Variants in SRCAP observed in about 807,000 individuals in gnomAD.
The protein encoded by SRCAP is chromatin remodeling protein SRCAP.
In SRCAP, 46 loss-of-function variants were observed where a neutral mutation model predicts 263.1. The observed-to-expected ratio is 0.17, with a 90% CI of 0.14 to 0.22. The LOEUF (loss-of-function observed/expected upper bound fraction) is 0.22, where lower values mean the gene tolerates loss of function less well. Among genes scored for constraint, SRCAP ranks in the 10% least tolerant of loss-of-function variants. The pLI is 1.00. For missense variants in SRCAP, 3,695 were observed against 4,181.9 expected (o/e 0.88, Z 3.21); for synonymous variants, 1,813 against 1,662.1 (o/e 1.09, Z -2.21).
chr16:30,729,356 T>G lies in SRCAP; in HGVS notation c.5925-14T>G, dbSNP rs1043665042. 8 of 1,613,786 alleles carry G rather than the reference T, an allele frequency of 5.0e-6. No homozygotes were observed. Among genetic ancestry groups the G allele is most frequent in the African/African-American group, 1.3e-5 (1 of 74,896 alleles). ...AGTCCCATCTTTTACACTGCCTGCTTCTTCCTTTCACAGGTTCATCTTTGT... is the reference window on the plus strand; with the variant it reads ...AGTCCCATCTTTTACACTGCCTGCTGCTTCCTTTCACAGGTTCATCTTTGT... On this transcript the variant is annotated splice_polypyrimidine_tract_variant and intron_variant, in intron 26 of 33. Transcript: ENST00000262518.
At position 30,729,191 on chromosome 16, in the gene SRCAP, C is replaced by G. The variant is rs749811564; in HGVS notation, c.5884C>G (p.Pro1962Ala). ...TEAAHRAVLF[P>A]QQRLDQLSEI... ...GGCTGCCCACCGGGCTGTACTGTTTCCCCAGCAGCGACTAGACCAGCTGTC... is the reference window on the plus strand; with the variant it reads ...GGCTGCCCACCGGGCTGTACTGTTTGCCCAGCAGCGACTAGACCAGCTGTC... Residue 1962 changes from proline to alanine, a missense_variant, in exon 26 of 34, where the codon CCC becomes GCC. Pro to Ala is a conservative substitution (Grantham distance 27). Transcript: ENST00000262518. The G allele has an allele frequency of 1.9e-6, 3 of 1,612,184 alleles. No homozygotes were observed. The highest frequency in any genetic ancestry group is 1.7e-6 in the Non-Finnish European group (2 of 1,178,666).
At position 30,738,342 on chromosome 16, in the gene SRCAP, C is replaced by T. The variant is rs1220287151; in HGVS notation, c.8302C>T (p.Arg2768Trp). 7.0e-6 allele frequency: 11 copies of T among 1,571,406 alleles called. No individual in the cohort carries two copies. Among genetic ancestry groups the T allele is most frequent in the East Asian group, 6.7e-5 (3 of 44,550 alleles). Residue 2768 changes from arginine (R) to tryptophan (W), a missense_variant, in exon 34 of 34, where the codon CGG (arginine) becomes TGG (tryptophan). Around this residue, in one of 12 missense-constraint regions of SRCAP, gnomAD observed 1,207 missense variants for 1,142.9 expected, o/e 1.06. Transcript: ENST00000262518. The part of the protein sequence containing the change: ...VEEKELVRRR[R>W]QQRGAASTLV... ...GGAAAAGGAACTGGTGCGGCGGCGG[C>T]GGCAGCAGCGGGGAGCTGCCAGCAC...
At chr16:30,708,499 T>G (rs1235198523) in intron 6 of SRCAP, among the ~76,000 whole-genome samples, 1 of 152,152 alleles carries the variant, frequency 6.6e-6, no homozygotes. Context: ...GCTCAAGTGA[T>G]TCTCCTGCCT....
chr16:30,707,375 C>G lies in SRCAP; in HGVS notation c.492+7C>G. ...ACGGGGTGTGGCCCGGAAGGTAGGT[C>G]TTCCGCTGGGACTTCCTTCCTTTTC... On this transcript the variant is annotated splice_region_variant and intron_variant, in intron 5 of 33. Coordinates refer to ENST00000262518, the MANE Select transcript of SRCAP (RefSeq NM_006662.3). 1 of 1,612,926 alleles carries G rather than the reference C, an allele frequency of 6.2e-7. No homozygotes were observed. The highest frequency in any genetic ancestry group is 2.2e-5 in the East Asian group (1 of 44,878).
Position 30,713,159 on chromosome 16 carries a change from C to T in SRCAP, c.2131-49C>T, listed in dbSNP as rs746815559. 5.1e-6 allele frequency: 8 copies of T among 1,581,196 alleles called. No homozygotes were observed. The African/African-American group carries it at 9.4e-5, about 19-fold the overall frequency. ...GAGTTTAGCATGTCTTCCCTTTGCTCTCTTCTTTTCATCCCACTATCTGCT... is the reference window on the plus strand; with the variant it reads ...GAGTTTAGCATGTCTTCCCTTTGCTTTCTTCTTTTCATCCCACTATCTGCT... On this transcript the variant is annotated intron_variant, in intron 14 of 33. Coordinates refer to ENST00000262518, the MANE Select transcript of SRCAP (RefSeq NM_006662.3).
In SRCAP at chr16:30,724,475, C is replaced by T; in HGVS notation, c.5051C>T (p.Ala1684Val). The change falls in exon 25 of 34, where the codon GCC becomes GTC. Residue 1684 changes from alanine (A) to valine (V), a missense_variant. Around this residue, in one of 12 missense-constraint regions of SRCAP, gnomAD observed 1,347 missense variants for 1,304.4 expected, o/e 1.03. Coordinates refer to ENST00000262518, the MANE Select transcript of SRCAP (RefSeq NM_006662.3). Reference protein sequence around the residue: ...SPASTQTLALAPALAPTLGGS... With the variant: ...SPASTQTLALVPALAPTLGGS... ...GCTTCTACGCAGACACTGGCCCTAG[C>T]CCCAGCTTTAGCACCCACTCTTGGA... The T allele has an allele frequency of 6.2e-7, 1 of 1,614,220 alleles. No individual in the cohort carries two copies. Among genetic ancestry groups the T allele is most frequent in the Non-Finnish European group, 8.5e-7 (1 of 1,180,034 alleles).
rs894624528 is a variant in SRCAP at position 30,700,650 on chromosome 16, G to A, written c.-175G>A. On this transcript the variant is annotated 5_prime_UTR_variant, in exon 3 of 34. Transcript: ENST00000262518. ...AGGCTGGTGGACCTGAGCGGAGGCT[G>A]GGACGCCCTGGTGGGCCCCGGGCCC... 1.6e-5 allele frequency: 8 copies of A among 507,516 alleles called. No homozygotes were observed. The highest frequency in any genetic ancestry group is 5.8e-5 in the African/African-American group (3 of 51,678). 31.4% of individuals were successfully genotyped at this position (507,516 alleles called of 1,614,324 possible).
chr16:30,734,648 G>A, intron 31 of SRCAP, 33 bp downstream of exon 31: 1 of 1,613,740 alleles, frequency 6.2e-7, no homozygotes, highest in Non-Finnish European at 8.5e-7. Flanking sequence ...GTAAAGTTGA[G>A]CTGATTCTTA....
chr16:30,731,082 G>T (rs1014750372), intron 27 of SRCAP, among the ~76,000 whole-genome samples: 1 of 152,054 alleles, frequency 6.6e-6, no homozygotes, highest in African/African-American at 2.4e-5. Flanking sequence ...TAACTCCAGG[G>T]TATACACCAA....
rs779978975 is a variant in SRCAP at position 30,709,670 on chromosome 16, C to G, written c.791C>G (p.Pro264Arg). 3 of 1,614,096 alleles carry G rather than the reference C, an allele frequency of 1.9e-6. No homozygotes were observed. In the East Asian group the frequency reaches 6.7e-5, roughly 36 times the overall value. The change falls in exon 7 of 34, where the codon CCT (proline) becomes CGT (arginine). Residue 264 changes from proline to arginine, a missense_variant. Transcript: ENST00000262518. ...ACCTCCAGCAAAGCAGGCTCTTCCC[C>G]TTGCCTCGGCTCTTCCTCAGCTGCC... ...PLTSSKAGSS[P>R]CLGSSSAASS...
In SRCAP at chr16:30,711,595, T is replaced by C; in HGVS notation, c.1343T>C (p.Leu448Ser). Reference sequence around the variant, plus strand: ...GGTGAGCTTTCCATGGAGGAGCTATTGCAGCAGTATGCAGGAGCCTATGCC... The same window carrying C: ...GGTGAGCTTTCCATGGAGGAGCTATCGCAGCAGTATGCAGGAGCCTATGCC... ...REGELSMEEL[L>S]QQYAGAYAPG... The change falls in exon 11 of 34, where the codon TTG (leucine) becomes TCG (serine). Residue 448 changes from leucine (L) to serine (S), a missense_variant. Physicochemically the swap from Leu to Ser is moderately radical, Grantham distance 145. This residue lies in a region of SRCAP where 288 missense variants were observed against 302.4 expected (regional missense o/e 0.95). Coordinates refer to ENST00000262518, the MANE Select transcript of SRCAP (RefSeq NM_006662.3). The C allele has an allele frequency of 6.3e-7, 1 of 1,598,514 alleles. No homozygotes were observed. Among genetic ancestry groups the C allele is most frequent in the Non-Finnish European group, 8.5e-7 (1 of 1,175,034 alleles).
At chr16:30,727,014 A>G (rs1211624404) in intron 25 of SRCAP, among the ~76,000 whole-genome samples, 1 of 151,792 alleles carries the variant, frequency 6.6e-6, no homozygotes, top group African/African-American at 2.4e-5. Context: ...ATTTTTTTGT[A>G]TTTTTAGTAG....
chr16:30,711,528 C>T, intron 10 of SRCAP, 43 bp from the exon 11 acceptor site: 1 of 1,538,970 alleles, frequency 6.5e-7, no homozygotes, highest in African/African-American at 1.4e-5. Context: ...CTCCCCTTCT[C>T]CCTCCCCTCA....
chr16:30,736,792 C>T (rs1048656910), intron 33 of SRCAP, among the ~76,000 whole-genome samples, 168 bp downstream of exon 33: 1 of 152,164 alleles, frequency 6.6e-6, no homozygotes, highest in South Asian at 2.1e-4. Flanking sequence ...CCTGCATCAG[C>T]CTCCCGAGAA....
intron 8 of SRCAP, 44 bp downstream of exon 8, chr16:30,710,172 A>G: frequency 6.3e-7 from 1 of 1,585,916 alleles, no homozygotes; most frequent in South Asian, 1.1e-5. Context: ...GGGGGAACAG[A>G]GGGAGAGGTT....
chr16:30,715,589 G>A (rs1307663263), intron 16 of SRCAP, among the ~76,000 whole-genome samples: 3 of 151,448 alleles, frequency 2.0e-5, no homozygotes, highest in Non-Finnish European at 1.5e-5. Flanking sequence ...AAGAAAACAG[G>A]AAGTCTTCCT....
At chr16:30,732,851 G>A (rs1296053658) in intron 27 of SRCAP, among the ~76,000 whole-genome samples, 1 of 152,140 alleles carries the variant, frequency 6.6e-6, no homozygotes, top group African/African-American at 2.4e-5. Flanking sequence ...GATATTTTTT[G>A]TGACAGGGTC....
Position 30,709,572 on chromosome 16 carries a change from G to T in SRCAP, c.693G>T (p.Leu231=), listed in dbSNP as rs1382578606. 1 of 1,614,192 alleles carries T rather than the reference G, an allele frequency of 6.2e-7. No homozygotes were observed. Among genetic ancestry groups the T allele is most frequent in the South Asian group, 1.1e-5 (1 of 91,092 alleles). ...AAAAGCGCAAAAAAGCCCTGGACCT[G>T]CATTTGGACTTCATTGTGGGGCAAA... ...LEEKRKKALD[L]HLDFIVGQTE... The change falls in exon 7 of 34, where the codon CTG becomes CTT. Residue 231 remains leucine, a synonymous_variant. Transcript: ENST00000262518.
rs766738104 is a variant in SRCAP, at chr16:30,739,242, C to T, written c.9202C>T (p.Arg3068Cys). ...AAGCCGCCCCCTCACCCGCCTGGCC[C>T]GCCTTCGGCTTGAAGCAGAAGGAAT... ...DGSRPLTRLARLRLEAEGMRG... is the reference protein window; with the variant it reads ...DGSRPLTRLACLRLEAEGMRG... Residue 3068 changes from arginine (R) to cysteine (C), a missense_variant, in exon 34 of 34, where the codon CGC (arginine) becomes TGC (cysteine). Physicochemically the swap from Arg to Cys is radical, Grantham distance 180. Around this residue, in one of 12 missense-constraint regions of SRCAP, gnomAD observed 1,207 missense variants for 1,142.9 expected, o/e 1.06. Transcript: ENST00000262518. The T allele has an allele frequency of 1.5e-5, 25 of 1,613,662 alleles. No homozygotes were observed. The highest frequency in any genetic ancestry group is 1.6e-4 in the Middle Eastern group (1 of 6,062).
Sources: gnomAD v4.1 joint callset for allele counts (sites outside exome capture counted in the v4.1 genomes callset) on GRCh38, gnomAD v4.1.1 for gene constraint, gnomAD v4.1.1 regional missense constraint, MANE v1.5 for transcripts, NCBI Gene and HGNC (gene_info 2026-07-23, HGNC 2026-07-21) for gene names.